Variants in PSMB8 observed in about 807,000 individuals in gnomAD.
PSMB8 encodes proteasome 20S subunit beta 8.
PSMB8 carries 20 observed loss-of-function variants against 32.3 expected under a neutral mutation model. The observed-to-expected ratio is 0.62, with a 90% CI of 0.44 to 0.90. The LOEUF is 0.90. Among genes scored for constraint, PSMB8 ranks in the 40% least tolerant of loss-of-function variants. PSMB8 has a pLI of 0.00. For missense variants in PSMB8, 342 were observed against 365.4 expected, an observed-to-expected ratio of 0.94 and a Z score of 0.52; for synonymous variants, 131 against 135.4, an observed-to-expected ratio of 0.97 and a Z score of 0.23.
chr6:32,842,675 C>G lies in PSMB8; in HGVS notation c.404G>C (p.Cys135Ser). The G allele has an allele frequency of 6.2e-7, 1 of 1,613,378 alleles. No individual in the cohort carries two copies. The highest frequency in any genetic ancestry group is 2.2e-5 in the East Asian group (1 of 44,886). The change falls in exon 3 of 6, where the codon TGC (cysteine) becomes TCC (serine). Residue 135 changes from cysteine to serine, a missense_variant. Physicochemically the swap from Cys to Ser is moderately radical, Grantham distance 112. Transcript: ENST00000374882. ...GAAGATGAGAGGCCTCGCTTACCTGCATTCCTTGGCCAGCAGGCGCTCCCA... is the reference window on the plus strand; with the variant it reads ...GAAGATGAGAGGCCTCGCTTACCTGGATTCCTTGGCCAGCAGGCGCTCCCA... ...QYWERLLAKE[C>S]RLYYLRNGER... is the part of the protein sequence containing the mutation.
intron 1 of PSMB8, 74 bp downstream of exon 1, chr6:32,843,776 C>G (rs920600709): frequency 1.3e-6 from 2 of 1,580,280 alleles, no homozygotes; most frequent in Admixed American, 1.7e-5. Flanking sequence ...GCTCTCGCCT[C>G]CTCCTCTCAG....
chr6:32,844,332 A>G (rs1485155032), upstream of PSMB8: 1 of 1,613,776 alleles, frequency 6.2e-7, no homozygotes, highest in Non-Finnish European at 8.5e-7. Context: ...GTGTCATCTA[A>G]AGGCGCAGCT....
chr6:32,843,890 G>T lies in PSMB8; in HGVS notation c.107C>A (p.Ser36Tyr), dbSNP rs1278660029. The change falls in exon 1 of 6, where the codon TCT becomes TAT. Residue 36 changes from serine (S) to tyrosine (Y), a missense_variant. Transcript: ENST00000374882. ...TAAAGCGAGCTCTGGAGATCGCATA[G>T]AGAAACTGTAGTGTCCTGGGTCCGA... ...RRSDPGHYSFSMRSPELALPR... is the reference protein window; with the variant it reads ...RRSDPGHYSFYMRSPELALPR... 6.2e-7 allele frequency: 1 copy of T among 1,612,892 alleles called. No homozygotes were observed. Among genetic ancestry groups the T allele is most frequent in the South Asian group, 1.1e-5 (1 of 91,072 alleles).
At position 32,841,671 on chromosome 6, in the gene PSMB8, C is replaced by A. The variant is rs387906680; in HGVS notation, c.602G>T (p.Gly201Val). The part of the protein sequence containing the change: ...TRLSGNMFST[G>V]SGNTYAYGVM... ...CCCGTAGGCATAAGTGTTCCCACTA[C>A]CCGTGGAGAACATATTTCCTGAGAG... is the stretch of plus-strand genomic sequence containing the variant. The change falls in exon 5 of 6, where the codon GGT (glycine) becomes GTT (valine). Residue 201 changes from glycine to valine, a missense_variant. Transcript: ENST00000374882. 4 of 1,612,914 alleles carry A rather than the reference C, an allele frequency of 2.5e-6. No homozygotes were observed. The East Asian group carries it at 8.9e-5, about 36-fold the overall frequency.
chr6:32,843,863 G>A lies in PSMB8; in HGVS notation c.134C>T (p.Pro45Leu), dbSNP rs777828717. 3.1e-6 allele frequency: 5 copies of A among 1,612,794 alleles called. No individual in the cohort carries two copies. Among genetic ancestry groups the A allele is most frequent in the Admixed American group, 3.3e-5 (2 of 60,014 alleles). ...TACTGCCCCGACCTGCATTCCCCGG[G>A]GTAAAGCGAGCTCTGGAGATCGCAT... ...FSMRSPELAL[P>L]RGMQPTEFFQ... The change falls in exon 1 of 6, where the codon CCC becomes CTC. Residue 45 changes from proline (P) to leucine (L), a missense_variant. Physicochemically the swap from Pro to Leu is moderately conservative, Grantham distance 98. Transcript: ENST00000374882.
At chr6:32,843,235 A>G (rs1770047708) in intron 1 of PSMB8, 146 bp from the exon 2 acceptor site, 1 of 938,184 alleles carries the variant, frequency 1.1e-6, no homozygotes, top group South Asian at 1.4e-5. Context: ...ACCAATCTCT[A>G]GAAGGAAATG....
Position 32,841,531 on chromosome 6 carries a change from T to C in PSMB8, c.742A>G (p.Met248Val), listed in dbSNP as rs1162593924. ...RDSYSGGVVNMYHMKEDGWVK... is the reference protein window; with the variant it reads ...RDSYSGGVVNVYHMKEDGWVK... ...GGTGGTGGGAGCATTGGTCTCTTAC[T>C]ATTGACAACGCCTCCAGAATAGCTG... The change falls in exon 5 of 6, where the codon ATG becomes GTG. Residue 248 changes from methionine to valine, a missense_variant and splice_region_variant. Coordinates refer to ENST00000374882, the MANE Select transcript of PSMB8 (RefSeq NM_148919.4). The C allele has an allele frequency of 6.2e-7, 1 of 1,611,980 alleles. No homozygotes were observed. The highest frequency in any genetic ancestry group is 8.5e-7 in the Non-Finnish European group (1 of 1,179,988).
At chr6:32,842,608 A>G in intron 3 of PSMB8, 64 bp downstream of exon 3, 1 of 1,356,378 alleles carries the variant, frequency 7.4e-7, no homozygotes, top group South Asian at 1.2e-5. Flanking sequence ...GTAAGGAGCA[A>G]TGATCTGAGA....
intron 1 of PSMB8, 102 bp downstream of exon 1, chr6:32,843,748 C>T (rs1770093457): frequency 6.8e-7 from 1 of 1,463,220 alleles, no homozygotes; most frequent in South Asian, 1.1e-5. Context: ...TACCCCCGAC[C>T]CTGTACCCCG....
upstream of PSMB8, chr6:32,844,219 G>C (rs1345215744): frequency 6.2e-7 from 1 of 1,600,364 alleles, no homozygotes; most frequent in Non-Finnish European, 8.5e-7. Context: ...TCCGAAGAAA[G>C]CGAGAAAGGA....
rs367619781 is a variant in PSMB8, at chr6:32,843,972, C to T, written c.25G>A (p.Ala9Thr). 6.2e-7 allele frequency: 1 copy of T among 1,612,346 alleles called. No individual in the cohort carries two copies. Among genetic ancestry groups the T allele is most frequent in the African/African-American group, 1.3e-5 (1 of 74,788 alleles). MALLDVCGAPRGQRPESAL... is the reference protein window; with the variant it reads MALLDVCGTPRGQRPESAL... ...GATTCCGGCCGCTGCCCTCGGGGGGCTCCGCATACATCTAGTAGCGCCATG... is the reference window on the plus strand; with the variant it reads ...GATTCCGGCCGCTGCCCTCGGGGGGTTCCGCATACATCTAGTAGCGCCATG... Residue 9 changes from alanine to threonine, a missense_variant, in exon 1 of 6, where the codon GCC becomes ACC. Coordinates refer to ENST00000374882, the MANE Select transcript of PSMB8 (RefSeq NM_148919.4).
chr6:32,841,858 G>A, intron 4 of PSMB8, 123 bp from the exon 5 acceptor site: 1 of 1,148,426 alleles, frequency 8.7e-7, no homozygotes, highest in Middle Eastern at 2.1e-4. Flanking sequence ...TTGGAATTAG[G>A]AAACCACTTT....
intron 1 of PSMB8, 125 bp from the exon 2 acceptor site, chr6:32,843,214 AAC>A (rs1341622421): frequency 1.9e-6 from 2 of 1,057,266 alleles, no homozygotes; most frequent in Non-Finnish European, 2.8e-6. Flanking sequence ...CAATAAATGA[AAC>A]AGTTAATAAC....
At chr6:32,842,621 T>A (rs1481536053) in intron 3 of PSMB8, 51 bp downstream of exon 3, 2 of 1,425,138 alleles carry the variant, frequency 1.4e-6, no homozygotes, top group Non-Finnish European at 2.0e-6. Context: ...ATCTGAGAGA[T>A]CCAGGGATTA....
At position 32,843,856 on chromosome 6, in the gene PSMB8, TC is replaced by T. The variant is rs1385936506; in HGVS notation, c.140del (p.Gly47GlufsTer38). ...MRSPELALPR[G>X]MQPTEFFQSL... ...GCTTCCCTACTGCCCCGACCTGCAT[TC>T]CCCGGGGTAAAGCGAGCTCTGGAGA... On this transcript the variant is annotated frameshift_variant, in exon 1 of 6. Coordinates refer to ENST00000374882, the MANE Select transcript of PSMB8 (RefSeq NM_148919.4). LOFTEE classifies it high-confidence loss of function. 6.2e-7 allele frequency: 1 copy of T among 1,612,592 alleles called. No homozygotes were observed. The highest frequency in any genetic ancestry group is 8.5e-7 in the Non-Finnish European group (1 of 1,179,942).
chr6:32,843,169 G>C lies in PSMB8; in HGVS notation c.148-80C>G, dbSNP rs138082348. 1.6e-4 allele frequency: 232 copies of C among 1,476,430 alleles called. 1 individual carries two copies. The African/African-American group carries it at 3.1e-3, about 19-fold the overall frequency. 91.5% of individuals were successfully genotyped at this position (1,476,430 alleles called of 1,614,324 possible). On this transcript the variant is annotated intron_variant, in intron 1 of 5. Transcript: ENST00000374882. The stretch of plus-strand genomic sequence containing the variant: ...TCCAGGAAAAGGTTTTAGGGAGTAT[G>C]AGGGTGAGGAGATATGCAGAAATGA...
upstream of PSMB8, chr6:32,844,513 A>AT: frequency 6.9e-7 from 1 of 1,455,892 alleles, no homozygotes; most frequent in Non-Finnish European, 9.5e-7. Context: ...CGTGTAGGGG[A>AT]AGGCGGCGCC....
intron 1 of PSMB8, 76 bp from the exon 2 acceptor site, chr6:32,843,165 G>T: frequency 1.3e-6 from 2 of 1,518,404 alleles, no homozygotes; most frequent in Non-Finnish European, 1.8e-6. Flanking sequence ...GTTTTAGGGA[G>T]TATGAGGGTG....
chr6:32,842,601 A>G (rs1254276371), intron 3 of PSMB8, 71 bp downstream of exon 3: 2 of 1,314,344 alleles, frequency 1.5e-6, no homozygotes, highest in Non-Finnish European at 2.2e-6. Context: ...GACAAGAGTA[A>G]GGAGCAATGA....
Sources: gnomAD v4.1 joint callset for allele counts on GRCh38, gnomAD v4.1.1 for gene constraint, MANE v1.5 for transcripts, NCBI Gene and HGNC (gene_info 2026-07-23, HGNC 2026-07-21) for gene names.